Variants in FARP1 observed in about 807,000 individuals in gnomAD.
FARP1 encodes FERM, ARH/RhoGEF and pleckstrin domain protein 1, also known as FERM, ARHGEF and pleckstrin domain-containing protein 1.
A neutral mutation model predicts 128.8 loss-of-function variants in FARP1; 52 were observed. The ratio of observed to expected loss-of-function variants is 0.40; its 90% CI spans 0.32 to 0.51. FARP1 has a LOEUF of 0.51. Ranked by LOEUF, FARP1 falls within the 20% of genes least tolerant of loss-of-function variation. The pLI is 0.45. For missense variants in FARP1, 1,333 were observed against 1,367.9 expected (o/e 0.97, Z 0.40); for synonymous variants, 580 against 551.8 (o/e 1.05, Z -0.72).
intron 16 of FARP1, among the ~76,000 whole-genome samples, chr13:98,423,295 C>T (rs538670736): frequency 3.8e-4 from 58 of 151,938 alleles, no homozygotes; most frequent in Non-Finnish European, 6.9e-4. Flanking sequence ...CAAGTTGACA[C>T]TCGATATTAA....
intron 3 of FARP1, among the ~76,000 whole-genome samples, chr13:98,346,480 C>A (rs1267238469): frequency 6.6e-6 from 1 of 151,498 alleles, no homozygotes; most frequent in African/African-American, 2.4e-5. Flanking sequence ...TGTGGTGGCT[C>A]ATGCCTGTAA....
At chr13:98,382,720 A>G (rs1262042801) in intron 6 of FARP1, among the ~76,000 whole-genome samples, 1 of 151,136 alleles carries the variant, frequency 6.6e-6, no homozygotes, top group Non-Finnish European at 1.5e-5. Flanking sequence ...AACGAGGCAA[A>G]GCTCTGCCTT....
chr13:98,386,890 T>A (rs977020229), intron 8 of FARP1, among the ~76,000 whole-genome samples: 17 of 152,056 alleles, frequency 1.1e-4, no homozygotes, highest in Non-Finnish European at 1.6e-4. Context: ...CCAAGAAGAG[T>A]TAAGTTGGCT....
At chr13:98,384,643 T>C in intron 6 of FARP1, 87 bp from the exon 7 acceptor site, 4 of 778,100 alleles carry the variant, frequency 5.1e-6, no homozygotes, top group South Asian at 3.1e-5. Flanking sequence ...TGTTGTCTGC[T>C]AGCTTCTGTT....
chr13:98,244,816 G>T, intron 2 of FARP1: 1 of 1,506,730 alleles, frequency 6.6e-7, no homozygotes, highest in Admixed American at 2.1e-5. Context: ...CCCAATAAGT[G>T]ATTTTTCTGC....
At position 98,257,796 on chromosome 13, in the gene FARP1, C is replaced by A. The variant is rs185426873; in HGVS notation, c.171+44383C>A. On this transcript the variant is annotated intron_variant, in intron 2 of 26. Transcript: ENST00000319562. ...AGGGGGAAAAGAAAAAAAAGTAGGA[C>A]CCTCATTGATGTGTGGCTACAGTGG... 4.6e-5 allele frequency among the ~76,000 whole-genome samples: 7 copies of A among 152,132 alleles called. No individual in the cohort carries two copies. In the East Asian group the frequency reaches 1.4e-3, roughly 29 times the overall value.
intron 2 of FARP1, among the ~76,000 whole-genome samples, chr13:98,292,258 A>G (rs1273658021): frequency 6.6e-6 from 1 of 152,232 alleles, no homozygotes; most frequent in African/African-American, 2.4e-5. Context: ...TAGCATCCAC[A>G]TTTTTAACCA....
At chr13:98,275,101 CATG>C (rs1354612051) in intron 2 of FARP1, among the ~76,000 whole-genome samples, 1 of 152,158 alleles carries the variant, frequency 6.6e-6, no homozygotes, top group Non-Finnish European at 1.5e-5. Context: ...TTGAAAGTAA[CATG>C]ATATCTGTGA....
At chr13:98,256,951 A>ATATATATATATATATATATATATATG (rs1883633375) in intron 2 of FARP1, among the ~76,000 whole-genome samples, 12 of 31,708 alleles carry the variant, frequency 3.8e-4, no homozygotes, top group Non-Finnish European at 5.9e-4. Context: ...ATATGTGGAT[A>ATATATATATATATATATATATATATG]TATATATATA....
chr13:98,256,953 A>ATATATATATATATATATG (rs1883634507), intron 2 of FARP1, among the ~76,000 whole-genome samples: 1 of 48,908 alleles, frequency 2.0e-5, no homozygotes, highest in Non-Finnish European at 3.3e-5. Flanking sequence ...ATGTGGATAT[A>ATATATATATATATATATG]TATATATATA....
At chr13:98,448,033 ACT>A (rs1491439340) in intron 26 of FARP1, 3 of 598,682 alleles carry the variant, frequency 5.0e-6, no homozygotes, top group Non-Finnish European at 9.0e-6. Flanking sequence ...CCAGCTCCAC[ACT>A]GAGTGAGTGC....
At chr13:98,445,831 A>G (rs576651258) in intron 24 of FARP1, 20 of 383,598 alleles carry the variant, frequency 5.2e-5, no homozygotes, top group Admixed American at 2.7e-4. Flanking sequence ...CCTGTGTTCT[A>G]AGGTACTGGT....
chr13:98,352,458 G>T (rs1386484425), intron 3 of FARP1, among the ~76,000 whole-genome samples: 2 of 152,104 alleles, frequency 1.3e-5, no homozygotes, highest in African/African-American at 4.8e-5. Flanking sequence ...AACTGAGTTG[G>T]GACAACAGAG....
At chr13:98,296,814 A>G (rs1276006964) in intron 2 of FARP1, among the ~76,000 whole-genome samples, 1 of 149,136 alleles carries the variant, frequency 6.7e-6, no homozygotes, top group Non-Finnish European at 1.5e-5. Flanking sequence ...CCTCTTGAGT[A>G]GCTGGGACCA....
intron 1 of FARP1, among the ~76,000 whole-genome samples, chr13:98,185,858 C>T (rs1434430569): frequency 6.6e-6 from 1 of 151,580 alleles, no homozygotes; most frequent in Non-Finnish European, 1.5e-5. Flanking sequence ...CCACCATGCC[C>T]GGCTAATTTT....
In FARP1 at chr13:98,318,033, C is replaced by T. The variant is rs542762588; in HGVS notation, c.172-25729C>T. Among the ~76,000 whole-genome samples, 580 of 149,492 alleles carry T rather than the reference C, an allele frequency of 3.9e-3. 7 individuals carry two copies. Among genetic ancestry groups the T allele is most frequent in the African/African-American group, 0.014 (549 of 40,588 alleles). On this transcript the variant is annotated intron_variant, in intron 2 of 26. Transcript: ENST00000319562. ...CCTCTTCATCTCCTTCTTCCTCCTC[C>T]TCCCTCTTCATCTCCTTCCTTCCTT...
At chr13:98,427,707 T>C (rs1405049216) in intron 17 of FARP1, among the ~76,000 whole-genome samples, 1 of 151,906 alleles carries the variant, frequency 6.6e-6, no homozygotes, top group Non-Finnish European at 1.5e-5. Context: ...ACACCTGATA[T>C]CCGCTCCTGG....
intron 2 of FARP1, among the ~76,000 whole-genome samples, chr13:98,327,456 G>C (rs1199611237): frequency 6.6e-6 from 1 of 152,146 alleles, no homozygotes; most frequent in East Asian, 1.9e-4. Context: ...TTAAGATAAG[G>C]CTTCATAACA....
chr13:98,284,471 A>G (rs139961978), intron 2 of FARP1, among the ~76,000 whole-genome samples: 1,664 of 152,296 alleles, frequency 0.011, 19 homozygotes, highest in Non-Finnish European at 0.017. Context: ...CCCCAACCCG[A>G]GAGCTAGACA....
Sources: allele counts gnomAD v4.1 joint callset (sites outside exome capture counted in the v4.1 genomes callset), GRCh38; gene constraint gnomAD v4.1.1; transcripts MANE v1.5; gene names NCBI Gene and HGNC (gene_info 2026-07-23, HGNC 2026-07-21).